PRIM2: variants seen among roughly 807,000 people sequenced by gnomAD.
PRIM2 encodes the protein DNA primase subunit 2.
A neutral mutation model predicts 67.3 loss-of-function variants in PRIM2; 39 were observed. The observed-to-expected ratio is 0.58, with a 90% confidence interval of 0.45 to 0.76. The LOEUF (loss-of-function observed/expected upper bound fraction) is 0.76, where lower values mean the gene tolerates loss of function less well. Ranked by LOEUF, PRIM2 falls within the 30% of genes least tolerant of loss-of-function variation. The probability of loss-of-function intolerance (pLI) is 0.00; values close to 1 mark genes in which losing one functional copy is unlikely to be tolerated. For synonymous variants in PRIM2, 143 were observed against 198.7 expected, an observed-to-expected ratio of 0.72 and a Z score of 2.36; for missense variants, 398 against 598.7, an observed-to-expected ratio of 0.66 and a Z score of 3.50.
At chr6:57,356,747 C>T (rs1037091765) in intron 5 of PRIM2, among the ~76,000 whole-genome samples, 2 of 151,858 alleles carry the variant, frequency 1.3e-5, no homozygotes, top group African/African-American at 4.8e-5. Flanking sequence ...TATTTTTTGG[C>T]TTTTAGAGGA....
chr6:57,369,791 C>A (rs536064932), intron 5 of PRIM2, among the ~76,000 whole-genome samples: 1 of 152,232 alleles, frequency 6.6e-6, no homozygotes, highest in African/African-American at 2.4e-5. Flanking sequence ...ACACCAAGAC[C>A]TGTGTTAGTT....
chr6:57,579,370 C>T (rs1776036483), intron 10 of PRIM2, among the ~76,000 whole-genome samples: 1 of 152,122 alleles, frequency 6.6e-6, no homozygotes, highest in South Asian at 2.1e-4. Flanking sequence ...AACTTCATCT[C>T]ATCACATTTG....
intron 5 of PRIM2, among the ~76,000 whole-genome samples, chr6:57,335,897 G>A (rs1000078177): frequency 2.7e-4 from 41 of 152,296 alleles, no homozygotes; most frequent in Non-Finnish European, 3.1e-4. Flanking sequence ...GGCTTCAGAT[G>A]ATCAAATTAC....
chr6:57,619,651 C>G (rs1305619833), intron 12 of PRIM2, among the ~76,000 whole-genome samples: 1 of 151,906 alleles, frequency 6.6e-6, no homozygotes, highest in Non-Finnish European at 1.5e-5. Context: ...TAGAATTGAA[C>G]AAGTAGAAGA....
intron 5 of PRIM2, among the ~76,000 whole-genome samples, chr6:57,366,485 T>A (rs1769362067): frequency 6.6e-6 from 1 of 152,040 alleles, no homozygotes; most frequent in South Asian, 2.1e-4. Flanking sequence ...GGTGATGCGT[T>A]GCTTGTGAAT....
chr6:57,450,672 T>A (rs1038553734), intron 7 of PRIM2, among the ~76,000 whole-genome samples: 1 of 152,218 alleles, frequency 6.6e-6, no homozygotes, highest in African/African-American at 2.4e-5. Flanking sequence ...CATTGGCAGC[T>A]TTTTGTTTGC....
the PRIM2 span, among the ~76,000 whole-genome samples, chr6:57,308,805 T>A: frequency 6.6e-6 from 1 of 152,322 alleles, no homozygotes; most frequent in African/African-American, 2.4e-5. Context: ...CATTTACATT[T>A]CCTTCATTGT....
rs149436085 is a variant in PRIM2, at chr6:57,439,404, GTTTTTTTTTTTTTT to G, written c.693+57252_693+57265del. ...CATGAGCTTTGAGTAGAGGTACTCT[GTTTTTTTTTTTTTT>G]TTTTTTTTTTTTTTTGAGACAGAGT... On this transcript the variant is annotated intron_variant, in intron 7 of 13. Transcript: ENST00000615550. Among the ~76,000 whole-genome samples, 408 of 57,084 alleles carry G rather than the reference GTTTTTTTTTTTTTT, an allele frequency of 7.1e-3. 2 individuals are homozygous for G. The highest frequency in any genetic ancestry group is 0.012 in the Admixed American group (48 of 3,920). 37.4% of individuals were successfully genotyped at this position (57,084 alleles called of 152,430 possible). A position where few individuals can be genotyped will look rare whatever the true frequency, so the allele number is the denominator to read the frequency against.
Position 57,326,645 on chromosome 6 carries a change from C to T in PRIM2, c.459+600C>T, listed in dbSNP as rs560756568. ...CTAAGGCATGAAAATTGCTTGAACC[C>T]GGGAGGTGGAGGTTGCAATGAGCTG... is the stretch of plus-strand genomic sequence containing the variant. On this transcript the variant is annotated intron_variant, in intron 5 of 13. Coordinates refer to ENST00000615550, the MANE Select transcript of PRIM2 (RefSeq NM_000947.5). Among the ~76,000 whole-genome samples the T allele has an allele frequency of 3.1e-4, 47 of 151,790 alleles. 1 individual carries two copies. In the South Asian group the frequency reaches 8.5e-3, roughly 27 times the overall value.
intron 9 of PRIM2, among the ~76,000 whole-genome samples, chr6:57,535,197 G>A: frequency 6.6e-6 from 1 of 152,246 alleles, no homozygotes; most frequent in South Asian, 2.1e-4. Flanking sequence ...CTTGGCTTTG[G>A]CTACATGGCA....
chr6:57,439,438 CAG>C lies in PRIM2; in HGVS notation c.693+57273_693+57274del, dbSNP rs1772129025. On this transcript the variant is annotated intron_variant, in intron 7 of 13. Transcript: ENST00000615550. ...TTTTTTTTTTTTTTTTTTTTTGAGA[CAG>C]AGTCTTGCTCTGTCACCCAGGCTGG... Among the ~76,000 whole-genome samples, 4 of 95,444 alleles carry C rather than the reference CAG, an allele frequency of 4.2e-5. No individual in the cohort carries two copies. In the Admixed American group the frequency reaches 6.8e-4, roughly 16 times the overall value. 62.6% of individuals were successfully genotyped at this position (95,444 alleles called of 152,430 possible). A position where few individuals can be genotyped will look rare whatever the true frequency, so the allele number is the denominator to read the frequency against.
intron 12 of PRIM2, among the ~76,000 whole-genome samples, chr6:57,609,552 A>C (rs1262600461): frequency 6.6e-6 from 1 of 152,216 alleles, no homozygotes; most frequent in African/African-American, 2.4e-5. Flanking sequence ...ATCTCAAGAA[A>C]ATTAATGTTT....
upstream of PRIM2, among the ~76,000 whole-genome samples, chr6:57,312,131 CTG>C (rs1261181609): frequency 6.6e-6 from 1 of 151,722 alleles, no homozygotes; most frequent in African/African-American, 2.4e-5. Flanking sequence ...AACAATGACC[CTG>C]TGTTAATTTT....
the PRIM2 span, among the ~76,000 whole-genome samples, chr6:57,250,893 G>GAAATGCTC: frequency 1.3e-5 from 2 of 152,056 alleles, no homozygotes; most frequent in Non-Finnish European, 2.9e-5. Flanking sequence ...ACATCCAAAG[G>GAAATGCTC]AAATGCTCAC....
intron 7 of PRIM2, among the ~76,000 whole-genome samples, chr6:57,394,230 G>T (rs1436628927): frequency 6.6e-6 from 1 of 152,014 alleles, no homozygotes. Context: ...GGATTGCATT[G>T]AATTTGTAGA....
the PRIM2 span, among the ~76,000 whole-genome samples, chr6:57,274,815 T>A: frequency 6.6e-6 from 1 of 152,174 alleles, no homozygotes; most frequent in African/African-American, 2.4e-5. Flanking sequence ...CTTCCTCTAT[T>A]GCCCAGGCTG....
At chr6:57,477,491 C>CT (rs1163650498) in intron 7 of PRIM2, among the ~76,000 whole-genome samples, 1 of 152,212 alleles carries the variant, frequency 6.6e-6, no homozygotes, top group Admixed American at 6.5e-5. Flanking sequence ...AGCCTTTCTA[C>CT]TACTTTTCAC....
chr6:57,280,464 C>T, the PRIM2 span, among the ~76,000 whole-genome samples: 71 of 152,026 alleles, frequency 4.7e-4, no homozygotes, highest in Non-Finnish European at 6.6e-4. Context: ...GCAGACAGTT[C>T]CTGTAGGTCC....
the PRIM2 span, among the ~76,000 whole-genome samples, chr6:57,284,715 A>G: frequency 7.2e-5 from 11 of 152,302 alleles, no homozygotes; most frequent in East Asian, 2.1e-3. Context: ...ACTTTTCTGG[A>G]AGAAAATTTG....
Sources: gnomAD v4.1 joint callset for allele counts (sites outside exome capture counted in the v4.1 genomes callset) on GRCh38, gnomAD v4.1.1 for gene constraint, MANE v1.5 for transcripts, NCBI Gene and HGNC (gene_info 2026-07-23, HGNC 2026-07-21) for gene names.